The following EYS variants were observed in gnomAD, a reference collection of about 807,000 sequenced individuals.
The protein encoded by EYS is protein eyes shut homolog.
In EYS, 250 loss-of-function variants were observed where a neutral mutation model predicts 282.1. That is an observed-to-expected ratio of 0.89 (90% CI 0.80 to 0.98). EYS has a LOEUF of 0.98. Ranked by LOEUF, EYS falls within the 50% of genes least tolerant of loss-of-function variation. EYS has a pLI of 0.00. For missense variants in EYS, 4,016 were observed against 3,709.0 expected (o/e 1.08, Z -2.15); for synonymous variants, 1,355 against 1,282.9 (o/e 1.06, Z -1.20).
At chr6:64,601,809 T>G (rs144606752) in intron 24 of EYS, among the ~76,000 whole-genome samples, 1 of 152,062 alleles carries the variant, frequency 6.6e-6, no homozygotes, top group Non-Finnish European at 1.5e-5. Flanking sequence ...AACCTGACCC[T>G]GTTTACTTCT....
chr6:64,039,808 A>C (rs1252352863), intron 33 of EYS, among the ~76,000 whole-genome samples: 2 of 152,144 alleles, frequency 1.3e-5, no homozygotes, highest in African/African-American at 4.8e-5. Flanking sequence ...ATTTTTAGAA[A>C]ATTCTCATAA....
At chr6:64,801,202 T>A (rs186198973) in intron 22 of EYS, among the ~76,000 whole-genome samples, 12 of 152,210 alleles carry the variant, frequency 7.9e-5, no homozygotes, top group Admixed American at 6.5e-4. Flanking sequence ...AAGTAGCACA[T>A]GTAAATTTGT....
At chr6:64,354,574 T>C (rs1277272505) in intron 29 of EYS, among the ~76,000 whole-genome samples, 1 of 151,590 alleles carries the variant, frequency 6.6e-6, no homozygotes, top group African/African-American at 2.4e-5. Context: ...CATGATTTTC[T>C]CATTTTCATG....
chr6:64,096,713 C>T (rs114188033), intron 31 of EYS, among the ~76,000 whole-genome samples: 2,014 of 152,234 alleles, frequency 0.013, 42 homozygotes, highest in African/African-American at 0.046. Flanking sequence ...CCTTTTAGCT[C>T]GGTGTAGTTT....
intron 39 of EYS, among the ~76,000 whole-genome samples, chr6:63,782,186 A>T (rs1770246283): frequency 1.3e-5 from 2 of 152,168 alleles, no homozygotes; most frequent in Non-Finnish European, 2.9e-5. Context: ...ATTGATGTTT[A>T]TCAAGGATAT....
At chr6:64,905,435 AG>A (rs1236361127) in intron 16 of EYS, among the ~76,000 whole-genome samples, 2 of 152,194 alleles carry the variant, frequency 1.3e-5, no homozygotes, top group African/African-American at 4.8e-5. Context: ...TGTTAACTGC[AG>A]GGAGGATCTT....
At chr6:64,943,952 A>G (rs1769188503) in intron 15 of EYS, among the ~76,000 whole-genome samples, 2 of 152,152 alleles carry the variant, frequency 1.3e-5, no homozygotes, top group African/African-American at 4.8e-5. Context: ...ACTTCAAACT[A>G]TACGTAAGTC....
intron 6 of EYS, among the ~76,000 whole-genome samples, chr6:65,404,673 A>G (rs976230141): frequency 6.6e-6 from 1 of 151,998 alleles, no homozygotes; most frequent in African/African-American, 2.4e-5. Context: ...GCAAAAGTTC[A>G]GCAATTTTTT....
chr6:64,457,579 T>C (rs1264309481), intron 26 of EYS, among the ~76,000 whole-genome samples: 4 of 152,094 alleles, frequency 2.6e-5, no homozygotes, highest in African/African-American at 9.7e-5. Context: ...ATCCTCTTGT[T>C]GAATTGACCA....
At chr6:64,330,049 G>A (rs1770582614) in intron 29 of EYS, among the ~76,000 whole-genome samples, 1 of 152,108 alleles carries the variant, frequency 6.6e-6, no homozygotes, top group African/African-American at 2.4e-5. Context: ...CAGACCTGAA[G>A]GCTTTCATGC....
chr6:64,397,265 AT>A (rs1272096181), intron 28 of EYS, among the ~76,000 whole-genome samples: 1 of 152,074 alleles, frequency 6.6e-6, no homozygotes, highest in Non-Finnish European at 1.5e-5. Context: ...CATACAGTTA[AT>A]AAGGGATAGA....
At chr6:65,450,338 C>T (rs1372278695) in intron 5 of EYS, among the ~76,000 whole-genome samples, 1 of 152,050 alleles carries the variant, frequency 6.6e-6, no homozygotes, top group African/African-American at 2.4e-5. Context: ...GAAAAGCAGT[C>T]ATTCTTATGA....
chr6:65,299,712 A>G (rs1327371586), intron 11 of EYS, among the ~76,000 whole-genome samples: 2 of 151,270 alleles, frequency 1.3e-5, no homozygotes, highest in Non-Finnish European at 3.0e-5. Flanking sequence ...TCATCCTGCC[A>G]CCTATATAAG....
At chr6:65,090,060 T>G (rs1233044457) in intron 12 of EYS, among the ~76,000 whole-genome samples, 1 of 151,660 alleles carries the variant, frequency 6.6e-6, no homozygotes, top group Non-Finnish European at 1.5e-5. Flanking sequence ...GCCATAATTC[T>G]GTTTTGAAAT....
chr6:65,101,892 T>G (rs1774904060), intron 12 of EYS, among the ~76,000 whole-genome samples: 1 of 151,374 alleles, frequency 6.6e-6, no homozygotes, highest in South Asian at 2.1e-4. Flanking sequence ...CTATCCAAAA[T>G]CATGCACTAA....
rs559238053 is a variant in EYS, at chr6:63,889,011, C to T, written c.7056-24653G>A. Among the ~76,000 whole-genome samples, 10 of 151,792 alleles carry T rather than the reference C, an allele frequency of 6.6e-5. No individual in the cohort carries two copies. The East Asian group carries it at 1.6e-3, about 24-fold the overall frequency. On this transcript the variant is annotated intron_variant, in intron 35 of 42. Coordinates refer to ENST00000503581, the MANE Select transcript of EYS (RefSeq NM_001142800.2). ...TGAAGCATACACAAGTATGAATAGC[C>T]GAATTGATCAAGTGGAAGAAAGGAT...
chr6:64,992,255 CTT>C (rs1242817960), intron 14 of EYS, among the ~76,000 whole-genome samples: 2 of 151,738 alleles, frequency 1.3e-5, no homozygotes, highest in Non-Finnish European at 2.9e-5. Context: ...ATATAGTAAA[CTT>C]GTATGAATAC....
intron 32 of EYS, among the ~76,000 whole-genome samples, chr6:64,073,774 G>A (rs539674735): frequency 6.6e-6 from 1 of 151,644 alleles, no homozygotes; most frequent in Non-Finnish European, 1.5e-5. Flanking sequence ...GTGTGTGTGT[G>A]TGCATATATA....
intron 30 of EYS, among the ~76,000 whole-genome samples, chr6:64,270,203 T>G (rs1404399393): frequency 6.6e-6 from 1 of 152,184 alleles, no homozygotes; most frequent in Non-Finnish European, 1.5e-5. Context: ...ACTCTGTTTT[T>G]GGTTCACTGC....
Sources: allele counts gnomAD v4.1 joint callset (sites outside exome capture counted in the v4.1 genomes callset), GRCh38; gene constraint gnomAD v4.1.1; transcripts MANE v1.5; gene names NCBI Gene and HGNC (gene_info 2026-07-23, HGNC 2026-07-21).